Variants in CDK13 observed in about 807,000 individuals in gnomAD.
The protein encoded by CDK13 is cyclin-dependent kinase 13.
In CDK13, 40 loss-of-function variants were observed where a neutral mutation model predicts 137.6. The observed-to-expected ratio is 0.29, with a 90% CI of 0.23 to 0.38. CDK13 has a LOEUF of 0.38. Ranked by LOEUF, CDK13 falls within the 10% of genes least tolerant of loss-of-function variation. The pLI is 1.00. For synonymous variants in CDK13, 869 were observed against 760.1 expected (o/e 1.14, Z -2.36); for missense variants, 1,704 against 1,951.8 (o/e 0.87, Z 2.39).
intron 6 of CDK13, among the ~76,000 whole-genome samples, chr7:40,046,879 G>A (rs1562747615): frequency 2.0e-5 from 3 of 151,574 alleles, no homozygotes; most frequent in Non-Finnish European, 4.4e-5. Flanking sequence ...GCACACACCC[G>A]TAATCCCAGC....
At chr7:39,976,356 C>CACACACACACACACACAG (rs1784112583) in intron 1 of CDK13, among the ~76,000 whole-genome samples, 1 of 148,850 alleles carries the variant, frequency 6.7e-6, no homozygotes, top group Non-Finnish European at 1.5e-5. Flanking sequence ...CACACACACA[C>CACACACACACACACACAG]ACAGAAACAA....
Position 40,088,328 on chromosome 7 carries a change from C to T in CDK13, c.3232C>T (p.Pro1078Ser). Reference protein sequence around the residue: ...LKSQGSSNVAPVKTGPGQHLN... With the variant: ...LKSQGSSNVASVKTGPGQHLN... ...ATCTCAGGGCAGCTCAAATGTGGCA[C>T]CTGGTCAGTAATGCTTCCATGGGTT... The change falls in exon 12 of 14, where the codon CCT (proline) becomes TCT (serine). Residue 1078 changes from proline to serine, a missense_variant. Coordinates refer to ENST00000181839, the MANE Select transcript of CDK13 (RefSeq NM_003718.5). The T allele has an allele frequency of 1.9e-6, 3 of 1,610,300 alleles. No homozygotes were observed. Among genetic ancestry groups the T allele is most frequent in the Non-Finnish European group, 2.5e-6 (3 of 1,176,784 alleles).
chr7:39,984,884 G>C (rs990326765), intron 1 of CDK13: 7 of 152,240 alleles, frequency 4.6e-5, no homozygotes, highest in Admixed American at 3.9e-4. Flanking sequence ...TGAGGCAGGA[G>C]AATCGCTTGA....
chr7:40,066,294 C>T (rs947930059), intron 9 of CDK13, among the ~76,000 whole-genome samples: 2 of 152,142 alleles, frequency 1.3e-5, no homozygotes, highest in African/African-American at 4.8e-5. Context: ...TAAACTATTC[C>T]AGAACATAAG....
chr7:39,956,358 A>G (rs565264522), intron 1 of CDK13, among the ~76,000 whole-genome samples: 5 of 152,190 alleles, frequency 3.3e-5, no homozygotes, highest in Non-Finnish European at 7.3e-5. Context: ...TTCACCTGAC[A>G]TTTACATCTA....
At chr7:40,007,730 A>G (rs1372908132) in intron 5 of CDK13, among the ~76,000 whole-genome samples, 1 of 152,120 alleles carries the variant, frequency 6.6e-6, no homozygotes, top group Non-Finnish European at 1.5e-5. Context: ...GCCCAGCCAT[A>G]ACTTGTATTT....
chr7:40,050,099 C>T (rs1043228774), intron 7 of CDK13, among the ~76,000 whole-genome samples: 3 of 151,982 alleles, frequency 2.0e-5, no homozygotes, highest in Admixed American at 6.6e-5. Context: ...CCTGCCTCAG[C>T]CTACCGATAG....
chr7:39,951,675 G>A lies in CDK13; in HGVS notation c.1034G>A (p.Gly345Glu), dbSNP rs2116070096. 6.8e-7 allele frequency: 1 copy of A among 1,471,324 alleles called. No homozygotes were observed. Among genetic ancestry groups the A allele is most frequent in the Non-Finnish European group, 9.0e-7 (1 of 1,117,150 alleles). The allele number at this position is 1,471,324 out of a possible 1,614,324, so 91.1% of individuals were successfully genotyped here. ...LRSRKSPSPA[G>E]GGSSPYSRRL... Reference sequence around the variant, plus strand: ...AGCCGCAAGTCCCCCAGCCCGGCAGGAGGTGGCAGCAGCCCCTATTCTCGG... The same window carrying A: ...AGCCGCAAGTCCCCCAGCCCGGCAGAAGGTGGCAGCAGCCCCTATTCTCGG... Residue 345 changes from glycine (G) to glutamate (E), a missense_variant, in exon 1 of 14, where the codon GGA becomes GAA. Gly to Glu is a moderately conservative substitution (Grantham distance 98, BLOSUM62 -2). Coordinates refer to ENST00000181839, the MANE Select transcript of CDK13 (RefSeq NM_003718.5).
chr7:40,086,398 C>T (rs554870823), intron 11 of CDK13, among the ~76,000 whole-genome samples: 1 of 152,212 alleles, frequency 6.6e-6, no homozygotes, highest in East Asian at 1.9e-4. Context: ...GGTGGGGTTG[C>T]TTAAGGGAAT....
chr7:40,012,937 G>C (rs1353816839), intron 5 of CDK13, among the ~76,000 whole-genome samples: 2 of 150,964 alleles, frequency 1.3e-5, no homozygotes, highest in Admixed American at 6.6e-5. Flanking sequence ...AAGGGAAACA[G>C]CATTTCCAAG....
chr7:39,966,483 C>T (rs982701810), intron 1 of CDK13, among the ~76,000 whole-genome samples: 1 of 152,120 alleles, frequency 6.6e-6, no homozygotes, highest in Non-Finnish European at 1.5e-5. Context: ...GACTTCTGTG[C>T]GTTGGTTATT....
rs769709658 is a variant in CDK13 at position 40,078,056 on chromosome 7, A to G, written c.2832A>G (p.Leu944=). 6 of 1,602,562 alleles carry G rather than the reference A, an allele frequency of 3.7e-6. No homozygotes were observed. The highest frequency in any genetic ancestry group is 2.3e-5 in the East Asian group (1 of 44,010). Residue 944 remains leucine, a synonymous_variant, in exon 10 of 14, where the codon CTA becomes CTG. Transcript: ENST00000181839. ...CPAVWPDVIK[L]PYFNTMKPKK... is the part of the protein sequence containing the mutation. ...CAGTGTGGCCTGATGTAATCAAACTACCATATTTCAACACCATGAAACCAA... is the reference window on the plus strand; with the variant it reads ...CAGTGTGGCCTGATGTAATCAAACTGCCATATTTCAACACCATGAAACCAA...
intron 7 of CDK13, chr7:40,048,752 G>A (rs975124300): frequency 6.6e-6 from 1 of 151,370 alleles, no homozygotes; most frequent in South Asian, 2.1e-4. Flanking sequence ...AAAAACTCTC[G>A]TTTGAATTTT....
chr7:40,003,066 A>T (rs1784718350), intron 5 of CDK13, among the ~76,000 whole-genome samples: 1 of 151,790 alleles, frequency 6.6e-6, no homozygotes, highest in Admixed American at 6.6e-5. Context: ...TGACAGAGCA[A>T]GACCTTATCT....
intron 1 of CDK13, chr7:39,952,715 A>AT (rs1363878769): frequency 1.2e-4 from 18 of 152,356 alleles, no homozygotes; most frequent in African/African-American, 4.1e-4. Context: ...TACCCGAAGG[A>AT]TAAAAACACA....
intron 1 of CDK13, among the ~76,000 whole-genome samples, chr7:39,956,647 A>G (rs911187106): frequency 7.2e-5 from 11 of 152,022 alleles, no homozygotes; most frequent in Admixed American, 2.0e-4. Context: ...TGCAGTGATG[A>G]TGTGATCATG....
chr7:39,959,708 G>A (rs114435662), intron 1 of CDK13, among the ~76,000 whole-genome samples: 4,649 of 152,036 alleles, frequency 0.031, 228 homozygotes, highest in African/African-American at 0.11. Context: ...CAAGCAGTCT[G>A]CCTGCCTTGG....
Position 39,950,732 on chromosome 7 carries a change from T to C in CDK13, c.91T>C (p.Phe31Leu), listed in dbSNP as rs1340392766. The C allele has an allele frequency of 6.8e-7, 1 of 1,469,924 alleles. No individual in the cohort carries two copies. The allele number at this position is 1,469,924 out of a possible 1,614,324, so 91.1% of individuals were successfully genotyped here. A position where few individuals can be genotyped will look rare whatever the true frequency, so the allele number is the denominator to read the frequency against. ...GGAGGAACGCCGCAAGCGGAGGCGA[T>C]TCCTGTCCCCTCAGCAGCCGCCGCT... ...KLEERRKRRRFLSPQQPPLLL... is the reference protein window; with the variant it reads ...KLEERRKRRRLLSPQQPPLLL... Residue 31 changes from phenylalanine to leucine, a missense_variant, in exon 1 of 14, where the codon TTC becomes CTC. By Grantham distance (22) the Phe-to-Leu change is conservative (BLOSUM62 0). This residue lies in a region of CDK13 where 1,051 missense variants were observed against 931.0 expected (regional missense o/e 1.13). Coordinates refer to ENST00000181839, the MANE Select transcript of CDK13 (RefSeq NM_003718.5).
chr7:39,957,256 C>G (rs983244479), intron 1 of CDK13, among the ~76,000 whole-genome samples: 4 of 151,978 alleles, frequency 2.6e-5, no homozygotes, highest in Non-Finnish European at 5.9e-5. Context: ...AGCCTTAAAT[C>G]CCACTATCTT....
Sources: gnomAD v4.1 joint callset for allele counts (sites outside exome capture counted in the v4.1 genomes callset) on GRCh38, gnomAD v4.1.1 for gene constraint, gnomAD v4.1.1 regional missense constraint, MANE v1.5 for transcripts, NCBI Gene and HGNC (gene_info 2026-07-23, HGNC 2026-07-21) for gene names.